Variants in ZMYND8 observed in about 807,000 individuals in gnomAD.
ZMYND8 encodes zinc finger MYND-type containing 8.
A neutral mutation model predicts 140.8 loss-of-function variants in ZMYND8; 37 were observed. The ratio of observed to expected loss-of-function variants is 0.26; its 90% CI spans 0.20 to 0.35. The LOEUF (loss-of-function observed/expected upper bound fraction) is 0.35, where lower values mean the gene tolerates loss of function less well. Ranked by LOEUF, ZMYND8 falls within the 10% of genes least tolerant of loss-of-function variation. ZMYND8 has a pLI of 1.00. For missense variants in ZMYND8, 1,068 were observed against 1,570.0 expected, an observed-to-expected ratio of 0.68 and a Z score of 5.40; for synonymous variants, 592 against 597.1, an observed-to-expected ratio of 0.99 and a Z score of 0.12.
intron 2 of ZMYND8, among the ~76,000 whole-genome samples, chr20:47,347,254 T>C (rs2082412902): frequency 6.6e-6 from 1 of 152,220 alleles, no homozygotes; most frequent in South Asian, 2.1e-4. Context: ...ATAAAATCTC[T>C]TTCACAAAGA....
rs1014928934 is a variant in ZMYND8 at position 47,308,354 on chromosome 20, G to T, written c.234+1702C>A. Among the ~76,000 whole-genome samples the T allele has an allele frequency of 7.9e-5, 12 of 151,822 alleles. No homozygotes were observed. The South Asian group carries it at 2.3e-3, about 29-fold the overall frequency. Reference sequence around the variant, plus strand: ...GTGCCTCAGCCTCCCGAGTAGCTGGGATTACAGGCATGTGCCACCACGCCC... The same window carrying T: ...GTGCCTCAGCCTCCCGAGTAGCTGGTATTACAGGCATGTGCCACCACGCCC... On this transcript the variant is annotated intron_variant, in intron 3 of 22. Transcript: ENST00000471951.
chr20:47,246,542 A>G (rs1325788331), intron 13 of ZMYND8, 25 bp from the exon 14 acceptor site: 1 of 1,544,838 alleles, frequency 6.5e-7, no homozygotes, highest in Non-Finnish European at 8.7e-7. Context: ...AAAACCCAGC[A>G]TGTGGCGTAG....
intron 8 of ZMYND8, 128 bp downstream of exon 8, chr20:47,287,101 G>A (rs1463425298): frequency 5.5e-6 from 4 of 729,528 alleles, no homozygotes; most frequent in Middle Eastern, 2.7e-4. Flanking sequence ...TTGAAGAGTA[G>A]GGGTGTGGCC....
rs764039837 is a variant in ZMYND8, at chr20:47,221,431, T to C, written c.3300A>G (p.Glu1100=). The change falls in exon 20 of 23, where the codon GAA becomes GAG. Residue 1100 remains glutamate, a synonymous_variant. Transcript: ENST00000471951. The part of the protein sequence containing the change: ...QQEADAEVNT[E]TLNKSSQGSS... ...TCCCCTGGGAGGACTTATTTAGTGT[T>C]TCTGTGTTCACCTCAGCATCCGCTT... The C allele has an allele frequency of 6.8e-6, 11 of 1,614,150 alleles. No individual in the cohort carries two copies. Among genetic ancestry groups the C allele is most frequent in the Non-Finnish European group, 9.3e-6 (11 of 1,180,012 alleles).
chr20:47,309,674 C>T (rs757384990), intron 3 of ZMYND8, among the ~76,000 whole-genome samples: 5 of 151,982 alleles, frequency 3.3e-5, no homozygotes, highest in African/African-American at 4.8e-5. Context: ...GCCAAGCAAC[C>T]GCTTCCAGAC....
At chr20:47,286,826 C>A (rs777523656) in intron 8 of ZMYND8, among the ~76,000 whole-genome samples, 8 of 152,180 alleles carry the variant, frequency 5.3e-5, no homozygotes, top group Non-Finnish European at 7.3e-5. Flanking sequence ...GGGCCACTCT[C>A]CCAGAAGCAG....
intron 21 of ZMYND8, among the ~76,000 whole-genome samples, chr20:47,217,820 A>T (rs1024907236): frequency 6.6e-6 from 1 of 152,140 alleles, no homozygotes; most frequent in Non-Finnish European, 1.5e-5. Flanking sequence ...CTCCACGAAG[A>T]TAGGCATTTA....
intron 1 of ZMYND8, chr20:47,349,815 G>A: frequency 1.3e-6 from 2 of 1,534,288 alleles, no homozygotes; most frequent in Non-Finnish European, 1.7e-6. Context: ...GAAATCTACA[G>A]TGGTGAGGGA....
At chr20:47,304,144 G>A (rs1244176254) in intron 3 of ZMYND8, among the ~76,000 whole-genome samples, 1 of 152,178 alleles carries the variant, frequency 6.6e-6, no homozygotes, top group African/African-American at 2.4e-5. Flanking sequence ...TAGGGAAACA[G>A]GTTGCAACCT....
chr20:47,255,765 C>CGGTATATATATATATATATATATATAT (rs2074640760), intron 12 of ZMYND8, among the ~76,000 whole-genome samples: 1 of 44,874 alleles, frequency 2.2e-5, no homozygotes, highest in South Asian at 5.8e-4. Context: ...TATATATATA[C>CGGTATATATATATATATATATATATAT]GGTATATATA....
rs367723974 is a variant in ZMYND8, at chr20:47,221,389, T to G, written c.3342A>C (p.Gln1114His). 1 of 1,614,208 alleles carries G rather than the reference T, an allele frequency of 6.2e-7. No homozygotes were observed. Among genetic ancestry groups the G allele is most frequent in the African/African-American group, 1.3e-5 (1 of 75,060 alleles). The change falls in exon 20 of 23, where the codon CAA (glutamine) becomes CAC (histidine). Residue 1114 changes from glutamine (Q) to histidine (H), a missense_variant. Gln to His is a conservative substitution (Grantham distance 24). This residue lies in a region of ZMYND8 where 180 missense variants were observed against 187.8 expected (regional missense o/e 0.96). Transcript: ENST00000471951. Reference sequence around the variant, plus strand: ...CGCTGGCCGTTTCTGAAGGTGCTGATTGTGTGCTCGAGGAGCTCCCCTGGG... The same window carrying G: ...CGCTGGCCGTTTCTGAAGGTGCTGAGTGTGTGCTCGAGGAGCTCCCCTGGG... ...KSSQGSSSST[Q>H]SAPSETASAS...
intron 11 of ZMYND8, among the ~76,000 whole-genome samples, chr20:47,275,550 G>T (rs1286916115): frequency 1.3e-5 from 2 of 151,566 alleles, no homozygotes; most frequent in Non-Finnish European, 2.9e-5. Context: ...TAAGGGAATG[G>T]GATCACACTG....
chr20:47,235,343 T>C (rs1174652788), intron 16 of ZMYND8, among the ~76,000 whole-genome samples: 2 of 152,126 alleles, frequency 1.3e-5, no homozygotes, highest in African/African-American at 2.4e-5. Flanking sequence ...AGCACATCAG[T>C]CCAGCGCACT....
At position 47,267,500 on chromosome 20, in the gene ZMYND8, G is replaced by C. The variant is rs1174436987; in HGVS notation, c.1481-5072C>G. ...TAAAATGGTTCAGGGCCGGGGCGGG[G>C]GGGGGGCAATTAAAAGACTGGGCAA... On this transcript the variant is annotated intron_variant, in intron 11 of 22. Transcript: ENST00000471951. Among the ~76,000 whole-genome samples, 3 of 143,932 alleles carry C rather than the reference G, an allele frequency of 2.1e-5. No individual in the cohort carries two copies. The Admixed American group carries it at 2.2e-4, about 10-fold the overall frequency. 94.4% of individuals were successfully genotyped at this position (143,932 alleles called of 152,430 possible). A position where few individuals can be genotyped will look rare whatever the true frequency, so the allele number is the denominator to read the frequency against.
chr20:47,350,453 T>G (rs146060437), intron 1 of ZMYND8, among the ~76,000 whole-genome samples: 1,983 of 151,418 alleles, frequency 0.013, 31 homozygotes, highest in African/African-American at 0.034. Flanking sequence ...TTCGGTTTTT[T>G]TGTGTGTGTG....
intron 10 of ZMYND8, among the ~76,000 whole-genome samples, chr20:47,278,079 C>T (rs1364409216): frequency 1.3e-5 from 2 of 152,132 alleles, no homozygotes; most frequent in Non-Finnish European, 2.9e-5. Flanking sequence ...CTCAAGGAAT[C>T]CTCCCAGATC....
At chr20:47,314,024 C>T (rs1164989451) in intron 2 of ZMYND8, among the ~76,000 whole-genome samples, 1 of 152,172 alleles carries the variant, frequency 6.6e-6, no homozygotes, top group African/African-American at 2.4e-5. Context: ...TCAATGTTTG[C>T]ATAAACCTAG....
intron 9 of ZMYND8, among the ~76,000 whole-genome samples, chr20:47,282,481 T>A (rs1369767029): frequency 6.6e-6 from 1 of 152,166 alleles, no homozygotes. Flanking sequence ...TCCCAGCACT[T>A]TGGAAAGCCA....
intron 12 of ZMYND8, among the ~76,000 whole-genome samples, chr20:47,255,804 G>GTGTATA (rs1555925599): frequency 8.7e-6 from 1 of 114,482 alleles, no homozygotes; most frequent in Non-Finnish European, 1.7e-5. Context: ...TATATATACC[G>GTGTATA]TATATATATA....
Sources: allele counts gnomAD v4.1 joint callset (sites outside exome capture counted in the v4.1 genomes callset), GRCh38; gene constraint gnomAD v4.1.1; regional missense constraint gnomAD v4.1.1; transcripts MANE v1.5; gene names NCBI Gene and HGNC (gene_info 2026-07-23, HGNC 2026-07-21).